SESN1: variants seen among roughly 807,000 people sequenced by gnomAD.
The protein encoded by SESN1 is sestrin-1.
SESN1 carries 30 observed loss-of-function variants against 59.3 expected under a neutral mutation model. The observed-to-expected ratio is 0.51, with a 90% CI of 0.38 to 0.69. The LOEUF (loss-of-function observed/expected upper bound fraction) is 0.69, where lower values mean the gene tolerates loss of function less well. SESN1 is among the 30% of genes least tolerant of loss of function. The pLI, the probability that SESN1 is intolerant of heterozygous loss-of-function variation, is 0.00. For synonymous variants in SESN1, 197 were observed against 219.9 expected, an observed-to-expected ratio of 0.90 and a Z score of 0.92; for missense variants, 566 against 673.0, an observed-to-expected ratio of 0.84 and a Z score of 1.76.
intron 1 of SESN1, among the ~76,000 whole-genome samples, chr6:109,017,741 A>G: frequency 6.6e-6 from 1 of 152,216 alleles, no homozygotes; most frequent in Non-Finnish European, 1.5e-5. Flanking sequence ...CATCTAGTTT[A>G]CTACCTTTGC....
chr6:109,044,086 A>G (rs1780382635), intron 1 of SESN1, among the ~76,000 whole-genome samples: 1 of 151,806 alleles, frequency 6.6e-6, no homozygotes, highest in Non-Finnish European at 1.5e-5. Context: ...AGGCCAAGGC[A>G]AGAGGATTGC....
chr6:109,057,448 CCTAT>C (rs1780649901), intron 1 of SESN1, among the ~76,000 whole-genome samples: 1 of 152,132 alleles, frequency 6.6e-6, no homozygotes, highest in African/African-American at 2.4e-5. Flanking sequence ...GAGGCAGACC[CCTAT>C]CTGTTTATAC....
intron 1 of SESN1, among the ~76,000 whole-genome samples, chr6:109,079,077 AAG>A (rs1462062604): frequency 6.6e-6 from 1 of 152,102 alleles, no homozygotes; most frequent in Non-Finnish European, 1.5e-5. Context: ...AATTACCACT[AAG>A]AGAATAAAAA....
intron 7 of SESN1, among the ~76,000 whole-genome samples, chr6:108,992,315 C>G (rs1043864719): frequency 1.3e-5 from 2 of 151,892 alleles, no homozygotes; most frequent in African/African-American, 4.8e-5. Context: ...AGGGTTTCCC[C>G]TTGTTGGCCA....
chr6:109,046,450 C>A lies in SESN1; in HGVS notation c.280-44107G>T, dbSNP rs534081438. On this transcript the variant is annotated intron_variant, in intron 1 of 9. Coordinates refer to ENST00000436639, the MANE Select transcript of SESN1 (RefSeq NM_014454.3). Reference sequence around the variant, plus strand: ...GCTCACTACAACCTACACCTCCCAGCCGCCTGCCTTGGCCTCCCAAAGTGC... The same window carrying A: ...GCTCACTACAACCTACACCTCCCAGACGCCTGCCTTGGCCTCCCAAAGTGC... Among the ~76,000 whole-genome samples, 65 of 149,592 alleles carry A rather than the reference C, an allele frequency of 4.3e-4. 1 individual carries two copies. In the East Asian group the frequency reaches 0.012, roughly 28 times the overall value.
At chr6:109,063,295 G>A (rs1180464999) in intron 1 of SESN1, among the ~76,000 whole-genome samples, 1 of 151,908 alleles carries the variant, frequency 6.6e-6, no homozygotes, top group Non-Finnish European at 1.5e-5. Context: ...GGAGGGTGGG[G>A]TGGTGGGAGG....
chr6:109,089,805 A>G (rs1183020524), intron 1 of SESN1, among the ~76,000 whole-genome samples: 2 of 152,074 alleles, frequency 1.3e-5, no homozygotes, highest in Non-Finnish European at 2.9e-5. Flanking sequence ...GACCCATTTT[A>G]ATTTTTTCCA....
At position 108,988,525 on chromosome 6, in the gene SESN1, G is replaced by A. The variant is rs1322434609; in HGVS notation, c.1569+18C>T. The A allele has an allele frequency of 6.3e-7, 1 of 1,585,426 alleles. No individual in the cohort carries two copies. The highest frequency in any genetic ancestry group is 1.2e-5 in the South Asian group (1 of 85,734). ...CATTGCTAAGTTACAAAGTAAATAA[G>A]CCACAATAGGCACATACCTTCTCAG... On this transcript the variant is annotated intron_variant, in intron 9 of 9. Coordinates refer to ENST00000436639, the MANE Select transcript of SESN1 (RefSeq NM_014454.3).
intron 1 of SESN1, among the ~76,000 whole-genome samples, chr6:109,071,632 A>G (rs1342084135): frequency 6.6e-6 from 1 of 152,158 alleles, no homozygotes; most frequent in Non-Finnish European, 1.5e-5. Context: ...TGGAAGCCAG[A>G]CTTAAACTTT....
At chr6:109,009,430 A>G in intron 1 of SESN1, 2 of 1,386,428 alleles carry the variant, frequency 1.4e-6, no homozygotes, top group East Asian at 3.1e-5. Flanking sequence ...GGGGCCGTGT[A>G]CGCCTCGTTC....
At chr6:109,006,668 A>G (rs1362503259) in intron 1 of SESN1, among the ~76,000 whole-genome samples, 1 of 152,160 alleles carries the variant, frequency 6.6e-6, no homozygotes, top group Non-Finnish European at 1.5e-5. Flanking sequence ...TCTTACAGAT[A>G]CCACTGTTAT....
chr6:109,059,830 T>TA (rs1395066959), intron 1 of SESN1, among the ~76,000 whole-genome samples: 2 of 152,224 alleles, frequency 1.3e-5, no homozygotes, highest in African/African-American at 4.8e-5. Flanking sequence ...TTTAAAAAGT[T>TA]ACTTATGATA....
chr6:109,060,542 A>C (rs1306507498), intron 1 of SESN1, among the ~76,000 whole-genome samples: 3 of 152,212 alleles, frequency 2.0e-5, no homozygotes, highest in Non-Finnish European at 4.4e-5. Flanking sequence ...ATAAACAGCA[A>C]TGACAGTGAA....
chr6:109,069,840 G>A lies in SESN1; in HGVS notation c.279+23955C>T, dbSNP rs563311332. ...TCTAAAGTGCTGGGATTATAGTTGT[G>A]AGCCACTGCACCCAGCCTCCACAAA... On this transcript the variant is annotated intron_variant, in intron 1 of 9. Transcript: ENST00000436639. Among the ~76,000 whole-genome samples the A allele has an allele frequency of 2.6e-5, 4 of 152,148 alleles. No homozygotes were observed. The South Asian group carries it at 8.3e-4, about 32-fold the overall frequency.
chr6:108,995,018 A>C (rs1259775051), intron 5 of SESN1, among the ~76,000 whole-genome samples: 5 of 152,152 alleles, frequency 3.3e-5, no homozygotes, highest in Non-Finnish European at 5.9e-5. Context: ...TTTATATCTT[A>C]GTAGAATATA....
intron 8 of SESN1, among the ~76,000 whole-genome samples, chr6:108,989,513 A>ATAGAGAGAGATATC (rs1182357870): frequency 8.0e-5 from 12 of 150,898 alleles, no homozygotes; most frequent in East Asian, 1.9e-4. Context: ...ATCTATATAT[A>ATAGAGAGAGATATC]TATAGAGAGA....
intron 1 of SESN1, among the ~76,000 whole-genome samples, chr6:109,023,942 A>AT (rs956378264): frequency 1.6e-4 from 24 of 151,714 alleles, no homozygotes; most frequent in South Asian, 2.1e-4. Flanking sequence ...AGAATGAGTG[A>AT]TTTTTTTTTC....
chr6:108,996,783 A>G (rs1779509796), intron 5 of SESN1, among the ~76,000 whole-genome samples: 1 of 152,236 alleles, frequency 6.6e-6, no homozygotes, highest in African/African-American at 2.4e-5. Context: ...ACTTAGAAGC[A>G]ACCAATGTGT....
At chr6:109,014,605 T>C (rs1317296730) in intron 1 of SESN1, among the ~76,000 whole-genome samples, 1 of 152,242 alleles carries the variant, frequency 6.6e-6, no homozygotes, top group Non-Finnish European at 1.5e-5. Context: ...CCCTTGCTTT[T>C]ACTCAGGGTG....
Sources: allele counts gnomAD v4.1 joint callset (sites outside exome capture counted in the v4.1 genomes callset), GRCh38; gene constraint gnomAD v4.1.1; transcripts MANE v1.5; gene names NCBI Gene and HGNC (gene_info 2026-07-23, HGNC 2026-07-21).